Variants in MORN4 observed in about 807,000 individuals in gnomAD.
MORN4 encodes the protein MORN repeat containing 4, also known as MORN repeat-containing protein 4.
In MORN4, 8 loss-of-function variants were observed where a neutral mutation model predicts 16.4. The observed-to-expected ratio is 0.49, with a 90% CI of 0.29 to 0.88. MORN4 has a LOEUF of 0.88. MORN4 is among the 40% of genes least tolerant of loss of function. The pLI, the probability that MORN4 is intolerant of heterozygous loss-of-function variation, is 0.09. For synonymous variants in MORN4, 53 were observed against 68.9 expected (o/e 0.77, Z 1.14); for missense variants, 159 against 182.9 (o/e 0.87, Z 0.75).
chr10:97,616,889 C>A (rs1248163890), intron 3 of MORN4, 102 bp from the exon 4 acceptor site: 33 of 813,718 alleles, frequency 4.1e-5, no homozygotes, highest in East Asian at 3.7e-4. Flanking sequence ...TGCTAAGGAG[C>A]AAGCCGATTC....
chr10:97,633,261 C>T lies in MORN4; in HGVS notation c.-31+86G>A, dbSNP rs2041412818. On this transcript the variant is annotated intron_variant, in intron 1 of 4. Coordinates refer to ENST00000307450, the MANE Select transcript of MORN4 (RefSeq NM_178832.4). This position sits in a 1 kb window ranked among gnomAD's most constrained non-coding sequence, Gnocchi z 4.5. ...CCGAGGTGGAGCCGCGCCCCCGAGC[C>T]GGGTCATCTCGTGCTCCGTTCCTCA... 1 of 1,239,328 alleles carries T rather than the reference C, an allele frequency of 8.1e-7. No individual in the cohort carries two copies. 76.8% of individuals were successfully genotyped at this position (1,239,328 alleles called of 1,614,324 possible).
At chr10:97,622,530 A>G (rs2041308166) in intron 1 of MORN4, among the ~76,000 whole-genome samples, 1 of 151,906 alleles carries the variant, frequency 6.6e-6, no homozygotes, top group Non-Finnish European at 1.5e-5. Flanking sequence ...TACCAAAATT[A>G]CAAAAAATCC....
At chr10:97,617,940 G>A (rs182962942) in intron 2 of MORN4, among the ~76,000 whole-genome samples, 6 of 152,234 alleles carry the variant, frequency 3.9e-5, no homozygotes, top group African/African-American at 1.4e-4. Flanking sequence ...GGGAGGCCGA[G>A]GAGGCGGGCA....
intron 1 of MORN4, among the ~76,000 whole-genome samples, chr10:97,620,491 AAAAAAAAAAAAAAAAAG>A (rs1404882574): frequency 8.0e-6 from 1 of 125,504 alleles, no homozygotes; most frequent in East Asian, 2.2e-4. Flanking sequence ...TCTGTCTCAA[AAAAAAAAAAAAAAAAAG>A]AAAAAAAAAA....
chr10:97,619,607 T>C lies in MORN4; in HGVS notation c.47A>G (p.Tyr16Cys). The C allele has an allele frequency of 6.2e-7, 1 of 1,613,960 alleles. No individual in the cohort carries two copies. The highest frequency in any genetic ancestry group is 8.5e-7 in the Non-Finnish European group (1 of 1,179,816). Residue 16 changes from tyrosine (Y) to cysteine (C), a missense_variant, in exon 2 of 5, where the codon TAT (tyrosine) becomes TGT (cysteine). Transcript: ENST00000307450. ...CTCACCCTCCTTCCACTCGCCACGATATTCCTCCCCACTGGAGTAGGTGAA... is the reference window on the plus strand; with the variant it reads ...CTCACCCTCCTTCCACTCGCCACGACATTCCTCCCCACTGGAGTAGGTGAA... ...GSFTYSSGEE[Y>C]RGEWKEGRRH...
In MORN4 at chr10:97,614,775, G is replaced by A. The variant is rs1375977714; in HGVS notation, c.*1488C>T. On this transcript the variant is annotated 3_prime_UTR_variant, in exon 5 of 5. Coordinates refer to ENST00000307450, the MANE Select transcript of MORN4 (RefSeq NM_178832.4). ...GAGATCCCATCAGTAAGGTCTGATTGCGGCCTGACGGTCAAGGCTCATGAT... is the reference window on the plus strand; with the variant it reads ...GAGATCCCATCAGTAAGGTCTGATTACGGCCTGACGGTCAAGGCTCATGAT... 6 of 152,416 alleles carry A rather than the reference G, an allele frequency of 3.9e-5. No individual in the cohort carries two copies. Among genetic ancestry groups the A allele is most frequent in the Non-Finnish European group, 7.3e-5 (5 of 68,046 alleles). 9.4% of individuals were successfully genotyped at this position (152,416 alleles called of 1,614,324 possible).
intron 1 of MORN4, among the ~76,000 whole-genome samples, chr10:97,632,210 CCCTTTTTTTT>C (rs1168854322): frequency 7.1e-6 from 1 of 141,752 alleles, no homozygotes; most frequent in African/African-American, 2.8e-5. Flanking sequence ...AATAATACTC[CCCTTTTTTTT>C]TTTTTTTTTT....
intron 1 of MORN4, among the ~76,000 whole-genome samples, chr10:97,620,256 G>A (rs1270536176): frequency 1.3e-5 from 2 of 151,920 alleles, no homozygotes; most frequent in Non-Finnish European, 2.9e-5. Flanking sequence ...GGAGGCCGAG[G>A]TGGGTGGGAT....
At chr10:97,621,743 T>C (rs1302389052) in intron 1 of MORN4, among the ~76,000 whole-genome samples, 1 of 151,734 alleles carries the variant, frequency 6.6e-6, no homozygotes, top group Non-Finnish European at 1.5e-5. Context: ...CGGGTGCCTG[T>C]AATCCCAGCT....
intron 1 of MORN4, among the ~76,000 whole-genome samples, chr10:97,629,594 C>T (rs146397510): frequency 6.6e-6 from 1 of 152,268 alleles, no homozygotes; most frequent in Non-Finnish European, 1.5e-5. Flanking sequence ...TCCTATCCCA[C>T]GTACCAGGCA....
At chr10:97,633,651 T>C, upstream of MORN4, 4 of 1,271,982 alleles carry the variant, frequency 3.1e-6, no homozygotes, top group Non-Finnish European at 4.1e-6. This position sits in a 1 kb window ranked among gnomAD's most constrained non-coding sequence, Gnocchi z 4.5. Context: ...TGGTCCCACC[T>C]CTGCAACGCA....
intron 3 of MORN4, 128 bp downstream of exon 3, chr10:97,617,080 C>T (rs2135734076): frequency 1.3e-6 from 1 of 767,234 alleles, no homozygotes; most frequent in Non-Finnish European, 2.2e-6. Flanking sequence ...AAAAGAACTA[C>T]TTATTACTCA....
Position 97,615,933 on chromosome 10 carries a change from A to C in MORN4, c.*330T>G, listed in dbSNP as rs1240436998. The C allele has an allele frequency of 5.5e-6, 1 of 182,528 alleles. No individual in the cohort carries two copies. Among genetic ancestry groups the C allele is most frequent in the Non-Finnish European group, 1.1e-5 (1 of 88,444 alleles). The allele number at this position is 182,528 out of a possible 1,614,324, so 11.3% of individuals were successfully genotyped here. ...GTTCTGTATCACTTGGCAGAAAATG[A>C]AGCAGAAGGGTCACAGCAGGCTACA... On this transcript the variant is annotated 3_prime_UTR_variant, in exon 5 of 5. Coordinates refer to ENST00000307450, the MANE Select transcript of MORN4 (RefSeq NM_178832.4).
intron 2 of MORN4, among the ~76,000 whole-genome samples, chr10:97,618,662 C>T (rs2135735361): frequency 6.6e-6 from 1 of 152,252 alleles, no homozygotes; most frequent in African/African-American, 2.4e-5. Flanking sequence ...CAACATCTTG[C>T]TCTGTTTTCT....
intron 1 of MORN4, among the ~76,000 whole-genome samples, chr10:97,626,366 G>A (rs986927088): frequency 9.2e-5 from 13 of 141,528 alleles, no homozygotes; most frequent in East Asian, 2.1e-4. Flanking sequence ...GACAGAGCGA[G>A]ACTCTGACTC....
In MORN4 at chr10:97,616,107, G is replaced by A; in HGVS notation, c.*156C>T. The A allele has an allele frequency of 5.8e-6, 4 of 693,886 alleles. No individual in the cohort carries two copies. The highest frequency in any genetic ancestry group is 4.5e-6 in the Non-Finnish European group (2 of 449,066). The allele number at this position is 693,886 out of a possible 1,614,324, so 43.0% of individuals were successfully genotyped here. ...CCAGCATCCTCAGCACTTTTCTGTG[G>A]TCCAGTTCTGGAATGGCAGGTGACA... On this transcript the variant is annotated 3_prime_UTR_variant, in exon 5 of 5. Coordinates refer to ENST00000307450, the MANE Select transcript of MORN4 (RefSeq NM_178832.4).
intron 1 of MORN4, among the ~76,000 whole-genome samples, chr10:97,631,618 T>TAA (rs547574429): frequency 7.0e-5 from 10 of 142,428 alleles, no homozygotes; most frequent in African/African-American, 2.1e-4. Context: ...TTAAGAGGAT[T>TAA]AAAAAAAAAA....
intron 1 of MORN4, among the ~76,000 whole-genome samples, chr10:97,626,533 G>A (rs1186130316): frequency 7.0e-6 from 1 of 143,196 alleles, no homozygotes; most frequent in Non-Finnish European, 1.5e-5. Context: ...TCGGCTCACT[G>A]CAACCTCCAC....
intron 4 of MORN4, 79 bp downstream of exon 4, chr10:97,616,599 C>T: frequency 7.5e-7 from 1 of 1,332,936 alleles, no homozygotes; most frequent in Non-Finnish European, 1.1e-6. Context: ...TGGACACCCG[C>T]AGGATTAAAA....
Sources: allele counts gnomAD v4.1 joint callset (sites outside exome capture counted in the v4.1 genomes callset), GRCh38; gene constraint gnomAD v4.1.1; non-coding constraint Gnocchi (gnomAD v3.1); transcripts MANE v1.5; gene names NCBI Gene and HGNC (gene_info 2026-07-23, HGNC 2026-07-21).